The following CSMD1 variants were observed in gnomAD, a reference collection of about 807,000 sequenced individuals.
CSMD1 encodes the protein CUB and sushi domain-containing protein 1.
CSMD1 carries 213 observed loss-of-function variants against 417.5 expected under a neutral mutation model. The ratio of observed to expected loss-of-function variants is 0.51; its 90% CI spans 0.46 to 0.57. The LOEUF (loss-of-function observed/expected upper bound fraction) is 0.57, where lower values mean the gene tolerates loss of function less well. Ranked by LOEUF, CSMD1 falls within the 20% of genes least tolerant of loss-of-function variation. The pLI, the probability that CSMD1 is intolerant of heterozygous loss-of-function variation, is 0.00. For missense variants in CSMD1, 6,923 were observed against 4,529.7 expected (o/e 1.53, Z -15.17); for synonymous variants, 2,862 against 1,736.8 (o/e 1.65, Z -16.11).
At chr8:4,583,335 A>G (rs1252517838) in intron 2 of CSMD1, among the ~76,000 whole-genome samples, 3 of 151,828 alleles carry the variant, frequency 2.0e-5, no homozygotes, top group Admixed American at 6.6e-5. Flanking sequence ...TGTCTTCCTC[A>G]GGGATTGTAA....
chr8:3,921,943 T>G (rs776697522), intron 5 of CSMD1, among the ~76,000 whole-genome samples: 4 of 152,190 alleles, frequency 2.6e-5, no homozygotes, highest in African/African-American at 9.7e-5. Flanking sequence ...TCTTATTGAT[T>G]TGATGTCTGG....
chr8:4,078,902 T>TATAA, intron 3 of CSMD1, among the ~76,000 whole-genome samples: 1 of 17,862 alleles, frequency 5.6e-5, no homozygotes, highest in East Asian at 1.6e-3. Context: ...AATAAATATA[T>TATAA]ATATATATAT....
chr8:3,217,803 TA>T (rs1460829156), intron 29 of CSMD1, among the ~76,000 whole-genome samples: 5 of 152,190 alleles, frequency 3.3e-5, no homozygotes, highest in Admixed American at 6.5e-5. Context: ...TACTTAAAAC[TA>T]TATAAACAGT....
intron 2 of CSMD1, among the ~76,000 whole-genome samples, chr8:4,590,902 T>C (rs1213960181): frequency 6.6e-6 from 1 of 152,228 alleles, no homozygotes; most frequent in Non-Finnish European, 1.5e-5. Flanking sequence ...CACATTTCTG[T>C]GATACAACAA....
chr8:3,602,993 T>C (rs1801434972), intron 8 of CSMD1, among the ~76,000 whole-genome samples: 1 of 152,222 alleles, frequency 6.6e-6, no homozygotes, highest in Non-Finnish European at 1.5e-5. Flanking sequence ...TTGAAAAGAC[T>C]GTGTAAGAGA....
intron 2 of CSMD1, among the ~76,000 whole-genome samples, chr8:4,624,276 G>C (rs1478101208): frequency 3.9e-5 from 6 of 152,152 alleles, no homozygotes; most frequent in Non-Finnish European, 7.3e-5. Context: ...TGCAACACAA[G>C]CTATAGTAGG....
intron 49 of CSMD1, among the ~76,000 whole-genome samples, chr8:3,066,113 G>A (rs992936994): frequency 1.3e-5 from 2 of 152,160 alleles, no homozygotes; most frequent in African/African-American, 4.8e-5. Context: ...CAATTCAAAG[G>A]AGTGCGGGCC....
rs5889027 is a variant in CSMD1 at position 4,212,751 on chromosome 8, C to CTTTTTTTTTTTTTTTTTTTTTTTT, written c.416-180676_416-180653dup. On this transcript the variant is annotated intron_variant, in intron 3 of 69. Coordinates refer to ENST00000635120, the MANE Select transcript of CSMD1 (RefSeq NM_033225.6). ...AAAAGTTTACAACAGCGGCCTTATT[C>CTTTTTTTTTTTTTTTTTTTTTTTT]TTTTTTTTTTTTTTTTTTTTTTTTT... 4.4e-4 allele frequency among the ~76,000 whole-genome samples: 44 copies of CTTTTTTTTTTTTTTTTTTTTTTTT among 99,230 alleles called. 1 individual carries two copies. The highest frequency in any genetic ancestry group is 1.8e-3 in the African/African-American group (43 of 23,464). 65.1% of individuals were successfully genotyped at this position (99,230 alleles called of 152,430 possible). A position where few individuals can be genotyped will look rare whatever the true frequency, so the allele number is the denominator to read the frequency against.
At chr8:4,450,994 G>C (rs1016253127) in intron 2 of CSMD1, among the ~76,000 whole-genome samples, 15 of 148,920 alleles carry the variant, frequency 1.0e-4, no homozygotes, top group Admixed American at 1.3e-4. Flanking sequence ...TGAATTGACA[G>C]CTAAGCTTTC....
Position 4,874,800 on chromosome 8 carries a change from G to GTA in CSMD1, c.85+119530_85+119531dup, listed in dbSNP as rs561104297. Among the ~76,000 whole-genome samples, 82 of 149,100 alleles carry GTA rather than the reference G, an allele frequency of 5.5e-4. No homozygotes were observed. In the Middle Eastern group the frequency reaches 0.011, roughly 19 times the overall value. On this transcript the variant is annotated intron_variant, in intron 1 of 69. Coordinates refer to ENST00000635120, the MANE Select transcript of CSMD1 (RefSeq NM_033225.6). ...AAATAGAGATAGACTTTTTGTGTGTGTATATATATATATTTACACACACAC... is the reference window on the plus strand; with the variant it reads ...AAATAGAGATAGACTTTTTGTGTGTGTATATATATATATATTTACACACACAC...
At chr8:3,773,043 A>C (rs1798702829) in intron 5 of CSMD1, among the ~76,000 whole-genome samples, 1 of 152,142 alleles carries the variant, frequency 6.6e-6, no homozygotes, top group Admixed American at 6.6e-5. Flanking sequence ...CCATGACAGA[A>C]GGGAAGAAGG....
At chr8:3,100,800 A>C (rs1815680489) in intron 46 of CSMD1, among the ~76,000 whole-genome samples, 1 of 152,186 alleles carries the variant, frequency 6.6e-6, no homozygotes. Context: ...TAATAGCATA[A>C]ATTGGGATTT....
intron 7 of CSMD1, among the ~76,000 whole-genome samples, chr8:3,637,261 A>G (rs1180655441): frequency 6.6e-6 from 1 of 152,208 alleles, no homozygotes; most frequent in Non-Finnish European, 1.5e-5. Flanking sequence ...ACCTAAAAAC[A>G]GGTTGTCTCA....
intron 3 of CSMD1, among the ~76,000 whole-genome samples, chr8:4,296,454 C>A (rs996453128): frequency 3.3e-5 from 5 of 151,832 alleles, no homozygotes; most frequent in Admixed American, 2.0e-4. Flanking sequence ...GGACTCATGG[C>A]CAGAGGTAAA....
chr8:3,443,870 A>T (rs1815142922), intron 12 of CSMD1, among the ~76,000 whole-genome samples: 1 of 152,184 alleles, frequency 6.6e-6, no homozygotes, highest in Non-Finnish European at 1.5e-5. Context: ...ATTGCTTTCA[A>T]ATTTTTCACG....
intron 3 of CSMD1, among the ~76,000 whole-genome samples, chr8:4,154,163 T>C (rs976264130): frequency 3.3e-5 from 5 of 152,166 alleles, no homozygotes; most frequent in African/African-American, 1.2e-4. Flanking sequence ...TTTACACCTA[T>C]GATAGGAGAT....
intron 54 of CSMD1, among the ~76,000 whole-genome samples, chr8:2,981,190 A>G (rs979094282): frequency 3.3e-5 from 5 of 152,214 alleles, no homozygotes; most frequent in Non-Finnish European, 5.9e-5. Context: ...GGTGTGTTTT[A>G]CTGTACAGAG....
At chr8:3,554,385 A>C (rs1799050682) in intron 10 of CSMD1, among the ~76,000 whole-genome samples, 1 of 152,188 alleles carries the variant, frequency 6.6e-6, no homozygotes, top group African/African-American at 2.4e-5. Context: ...TTTGGGATTG[A>C]GGAGGAAGAC....
At chr8:3,684,186 T>G (rs1407582931) in intron 7 of CSMD1, among the ~76,000 whole-genome samples, 2 of 95,200 alleles carry the variant, frequency 2.1e-5, no homozygotes, top group East Asian at 5.7e-4. Flanking sequence ...ATGTTACATG[T>G]AATATATATA....
Sources: gnomAD v4.1 joint callset for allele counts (sites outside exome capture counted in the v4.1 genomes callset) on GRCh38, gnomAD v4.1.1 for gene constraint, MANE v1.5 for transcripts, NCBI Gene and HGNC (gene_info 2026-07-23, HGNC 2026-07-21) for gene names.